The following SLC17A7 variants were observed in gnomAD, a reference collection of about 807,000 sequenced individuals.
SLC17A7 encodes solute carrier family 17 member 7, also known as vesicular glutamate transporter 1.
In SLC17A7, 15 loss-of-function variants were observed where a neutral mutation model predicts 59.1. The ratio of observed to expected loss-of-function variants is 0.25; its 90% CI spans 0.17 to 0.39. The LOEUF (loss-of-function observed/expected upper bound fraction) is 0.39, where lower values mean the gene tolerates loss of function less well. Among genes scored for constraint, SLC17A7 ranks in the 10% least tolerant of loss-of-function variants. The pLI is 1.00. For missense variants in SLC17A7, 499 were observed against 765.1 expected (o/e 0.65, Z 4.10); for synonymous variants, 353 against 308.9 (o/e 1.14, Z -1.50).
chr19:49,440,086 C>T (rs2078994600), intron 1 of SLC17A7, among the ~76,000 whole-genome samples: 1 of 152,178 alleles, frequency 6.6e-6, no homozygotes, highest in African/African-American at 2.4e-5. Context: ...CGTCACTGCA[C>T]CATCCTCCTG....
At position 49,433,563 on chromosome 19, in the gene SLC17A7, G is replaced by T. The variant is rs775348052; in HGVS notation, c.867+163C>A. 2.1e-6 allele frequency: 2 copies of T among 949,686 alleles called. No homozygotes were observed. Among genetic ancestry groups the T allele is most frequent in the Admixed American group, 2.0e-5 (1 of 50,266 alleles). The allele number at this position is 949,686 out of a possible 1,614,324, so 58.8% of individuals were successfully genotyped here. A position where few individuals can be genotyped will look rare whatever the true frequency, so the allele number is the denominator to read the frequency against. ...CCTGCCCCCAGCACCTGAGAATCTC[G>T]TCCTCCGCGGGTTGCAACCCGCCTC... On this transcript the variant is annotated intron_variant, in intron 7 of 11. Transcript: ENST00000221485. This position sits in a 1 kb window ranked among gnomAD's most constrained non-coding sequence, Gnocchi z 5.7.
rs1339042109 is a variant in SLC17A7 at position 49,431,667 on chromosome 19, C to G, written c.1151-219G>C. Reference sequence around the variant, plus strand: ...AAGACCCAGCCCTGACCACGCCCACCAGCTCCATCGCCCCTCCCGTAGCTC... The same window carrying G: ...AAGACCCAGCCCTGACCACGCCCACGAGCTCCATCGCCCCTCCCGTAGCTC... On this transcript the variant is annotated intron_variant, in intron 9 of 11. Coordinates refer to ENST00000221485, the MANE Select transcript of SLC17A7 (RefSeq NM_020309.4). The surrounding 1 kb of genome is among the most constrained non-coding windows in gnomAD (Gnocchi z 4.6). 6.6e-6 allele frequency among the ~76,000 whole-genome samples: 1 copy of G among 152,186 alleles called. No individual in the cohort carries two copies. Among genetic ancestry groups the G allele is most frequent in the Admixed American group, 6.5e-5 (1 of 15,284 alleles).
intron 9 of SLC17A7, 125 bp downstream of exon 9, chr19:49,432,394 G>T: frequency 2.3e-6 from 3 of 1,308,208 alleles, no homozygotes; most frequent in East Asian, 5.1e-5. Context: ...ACGGCCCTTT[G>T]CATAGAAAGG....
chr19:49,436,386 C>T lies in SLC17A7; in HGVS notation c.315+163G>A, dbSNP rs1321133404. On this transcript the variant is annotated intron_variant, in intron 2 of 11. Transcript: ENST00000221485. This position sits in a 1 kb window ranked among gnomAD's most constrained non-coding sequence, Gnocchi z 4.1. Reference sequence around the variant, plus strand: ...TAGGAAACGGAGGCGGCCCCTAAGGCGAGGTCAGAACTAAGGGGCGCACGG... The same window carrying T: ...TAGGAAACGGAGGCGGCCCCTAAGGTGAGGTCAGAACTAAGGGGCGCACGG... Among the ~76,000 whole-genome samples, 1 of 152,128 alleles carries T rather than the reference C, an allele frequency of 6.6e-6. No individual in the cohort carries two copies. Among genetic ancestry groups the T allele is most frequent in the South Asian group, 2.1e-4 (1 of 4,820 alleles).
Position 49,430,512 on chromosome 19 carries a change from C to T in SLC17A7, c.*7G>A, listed in dbSNP as rs762201217. 1.3e-6 allele frequency: 2 copies of T among 1,555,176 alleles called. No individual in the cohort carries two copies. Among genetic ancestry groups the T allele is most frequent in the South Asian group, 1.2e-5 (1 of 81,014 alleles). On this transcript the variant is annotated 3_prime_UTR_variant, in exon 12 of 12. Transcript: ENST00000221485. ...CTGGAAACTGCCATTCAGTGGGAGG[C>T]ACATGGTCAGTAGTCCCGGACAGGG...
At chr19:49,438,893 T>C (rs1006879109) in intron 1 of SLC17A7, among the ~76,000 whole-genome samples, 1 of 152,150 alleles carries the variant, frequency 6.6e-6, no homozygotes. Flanking sequence ...GGGGTCTCAG[T>C]ATCCCACATC....
rs946719452 is a variant in SLC17A7 at position 49,431,547 on chromosome 19, G to T, written c.1151-99C>A. The T allele has an allele frequency of 3.1e-6, 3 of 979,616 alleles. No individual in the cohort carries two copies. The highest frequency in any genetic ancestry group is 4.5e-5 in the Admixed American group (2 of 44,136). The allele number at this position is 979,616 out of a possible 1,614,324, so 60.7% of individuals were successfully genotyped here. ...TCCAGACCTGCTCCAGCCCCAAACC[G>T]CGTCTATCCACCCCAGTCTGGCCAC... On this transcript the variant is annotated intron_variant, in intron 9 of 11. Transcript: ENST00000221485. This position sits in a 1 kb window ranked among gnomAD's most constrained non-coding sequence, Gnocchi z 4.6.
In SLC17A7 at chr19:49,435,263, T is replaced by C. The variant is rs1364131682; in HGVS notation, c.339A>G (p.Pro113=). 1 of 1,613,950 alleles carries C rather than the reference T, an allele frequency of 6.2e-7. No individual in the cohort carries two copies. The highest frequency in any genetic ancestry group is 8.5e-7 in the Non-Finnish European group (1 of 1,179,986). The change falls in exon 3 of 12, where the codon CCA becomes CCG. Residue 113 remains proline, a synonymous_variant. Coordinates refer to ENST00000221485, the MANE Select transcript of SLC17A7 (RefSeq NM_020309.4). ...VVQKAQFSWD[P]ETVGLIHGSF... is the part of the protein sequence containing the mutation. Reference sequence around the variant, plus strand: ...AGCCGTGTATGAGGCCGACAGTCTCTGGATCCCAGCTGAACTGGGCTTTCT... The same window carrying C: ...AGCCGTGTATGAGGCCGACAGTCTCCGGATCCCAGCTGAACTGGGCTTTCT...
At position 49,436,225 on chromosome 19, in the gene SLC17A7, C is replaced by T. The variant is rs987448808; in HGVS notation, c.315+324G>A. 5.0e-6 allele frequency: 2 copies of T among 401,622 alleles called. No individual in the cohort carries two copies. The highest frequency in any genetic ancestry group is 3.3e-5 in the South Asian group (1 of 29,852). 24.9% of individuals were successfully genotyped at this position (401,622 alleles called of 1,614,324 possible). ...CGGGGACATGAGCTTGGGGTACAGG[C>T]GTGAGCAAAATTGCTAGTAGGTCCA... On this transcript the variant is annotated intron_variant, in intron 2 of 11. Coordinates refer to ENST00000221485, the MANE Select transcript of SLC17A7 (RefSeq NM_020309.4). This position sits in a 1 kb window ranked among gnomAD's most constrained non-coding sequence, Gnocchi z 4.1.
rs2078962144 is a variant in SLC17A7 at position 49,431,902 on chromosome 19, G to A, written c.1151-454C>T. 6.6e-6 allele frequency among the ~76,000 whole-genome samples: 1 copy of A among 152,074 alleles called. No homozygotes were observed. Among genetic ancestry groups the A allele is most frequent in the Admixed American group, 6.5e-5 (1 of 15,270 alleles). On this transcript the variant is annotated intron_variant, in intron 9 of 11. Coordinates refer to ENST00000221485, the MANE Select transcript of SLC17A7 (RefSeq NM_020309.4). This position sits in a 1 kb window ranked among gnomAD's most constrained non-coding sequence, Gnocchi z 4.6. The stretch of plus-strand genomic sequence containing the variant: ...GATCCACCGGCCTTCGCCTCCGAAA[G>A]TGCTGGGATAACAGGGGTTAGCCAC...
Position 49,433,133 on chromosome 19 carries a change from C to G in SLC17A7, c.868-173G>C. ...CATGTTGCCGTGGGGACCCAGGGAT[C>G]CTAGCCTCAAGGTGACACTTGAGTG... On this transcript the variant is annotated intron_variant, in intron 7 of 11. Coordinates refer to ENST00000221485, the MANE Select transcript of SLC17A7 (RefSeq NM_020309.4). The surrounding 1 kb of genome is among the most constrained non-coding windows in gnomAD (Gnocchi z 5.7). 1 of 683,804 alleles carries G rather than the reference C, an allele frequency of 1.5e-6. No homozygotes were observed. Among genetic ancestry groups the G allele is most frequent in the Non-Finnish European group, 2.4e-6 (1 of 408,244 alleles). The allele number at this position is 683,804 out of a possible 1,614,324, so 42.4% of individuals were successfully genotyped here.
rs2079000044 is a variant in SLC17A7, at chr19:49,441,505, TC to T, written c.-127del. 3.8e-6 allele frequency: 4 copies of T among 1,058,606 alleles called. No individual in the cohort carries two copies. The highest frequency in any genetic ancestry group is 7.5e-5 in the East Asian group (1 of 13,304). 65.6% of individuals were successfully genotyped at this position (1,058,606 alleles called of 1,614,324 possible). On this transcript the variant is annotated 5_prime_UTR_variant, in exon 1 of 12. Coordinates refer to ENST00000221485, the MANE Select transcript of SLC17A7 (RefSeq NM_020309.4). ...GGCCCGGCCGGCCCCGCAGCTCCGC[TC>T]GGGGGGAAGGAGGCTGCAAGTGCAG...
At position 49,431,549 on chromosome 19, in the gene SLC17A7, G is replaced by A; in HGVS notation, c.1151-101C>T. The A allele has an allele frequency of 2.1e-6, 2 of 953,130 alleles. No individual in the cohort carries two copies. The highest frequency in any genetic ancestry group is 3.2e-6 in the Non-Finnish European group (2 of 625,622). 59.0% of individuals were successfully genotyped at this position (953,130 alleles called of 1,614,324 possible). On this transcript the variant is annotated intron_variant, in intron 9 of 11. Coordinates refer to ENST00000221485, the MANE Select transcript of SLC17A7 (RefSeq NM_020309.4). This position sits in a 1 kb window ranked among gnomAD's most constrained non-coding sequence, Gnocchi z 4.6. ...CAGACCTGCTCCAGCCCCAAACCGC[G>A]TCTATCCACCCCAGTCTGGCCACCT...
chr19:49,436,685 G>A lies in SLC17A7; in HGVS notation c.179C>T (p.Pro60Leu), dbSNP rs1347231233. Residue 60 changes from proline to leucine, a missense_variant, in exon 2 of 12, where the codon CCT (proline) becomes CTT (leucine). This residue lies in a region of SLC17A7 where 323 missense variants were observed against 607.2 expected (regional missense o/e 0.53). Coordinates refer to ENST00000221485, the MANE Select transcript of SLC17A7 (RefSeq NM_020309.4). This position sits in a 1 kb window ranked among gnomAD's most constrained non-coding sequence, Gnocchi z 4.1. ...PVVDCTCFGL[P>L]RRYIIAIMSG... is the part of the protein sequence containing the mutation. ...CATGATGGCGATAATGTAGCGGCGA[G>A]GGAGGCCGAAGCAGGTGCAGTCCAC... The A allele has an allele frequency of 6.2e-7, 1 of 1,613,776 alleles. No homozygotes were observed. Among genetic ancestry groups the A allele is most frequent in the Non-Finnish European group, 8.5e-7 (1 of 1,179,988 alleles).
At chr19:49,440,330 C>T (rs907226997) in intron 1 of SLC17A7, among the ~76,000 whole-genome samples, 13 of 152,322 alleles carry the variant, frequency 8.5e-5, no homozygotes, top group East Asian at 3.9e-4. Context: ...GCTGATGAGG[C>T]CATCTCCTTC....
At chr19:49,432,379 TGGC>T in intron 9 of SLC17A7, 137 bp downstream of exon 9, 5 of 1,202,422 alleles carry the variant, frequency 4.2e-6, no homozygotes, top group Non-Finnish European at 5.7e-6. Flanking sequence ...TCCACCCTGT[TGGC>T]CACGGCCCTT....
Position 49,433,830 on chromosome 19 carries a change from C to G in SLC17A7, c.763G>C (p.Val255Leu). 2 of 1,613,016 alleles carry G rather than the reference C, an allele frequency of 1.2e-6. No homozygotes were observed. The highest frequency in any genetic ancestry group is 2.2e-5 in the East Asian group (1 of 44,850). ...TGCAGCGCGGGGGACTCGTAGGAGA[C>G]GAGCAGCCAGAACAGGTACCAGAAG... ...GIFWYLFWLL[V>L]SYESPALHPS... Residue 255 changes from valine to leucine, a missense_variant, in exon 7 of 12, where the codon GTC becomes CTC. Physicochemically the swap from Val to Leu is conservative, Grantham distance 32. Coordinates refer to ENST00000221485, the MANE Select transcript of SLC17A7 (RefSeq NM_020309.4). This position sits in a 1 kb window ranked among gnomAD's most constrained non-coding sequence, Gnocchi z 5.7.
intron 2 of SLC17A7, 104 bp from the exon 3 acceptor site, chr19:49,435,390 A>T: frequency 1.4e-6 from 1 of 728,728 alleles, no homozygotes; most frequent in Non-Finnish European, 2.4e-6. Flanking sequence ...GCAACGAGGA[A>T]CCCCTCCCAC....
In SLC17A7 at chr19:49,430,560, ATGTGC is replaced by A; in HGVS notation, c.1637_1641del (p.Ser546IlefsTer36). The A allele has an allele frequency of 6.4e-7, 1 of 1,567,026 alleles. No individual in the cohort carries two copies. Among genetic ancestry groups the A allele is most frequent in the Non-Finnish European group, 8.7e-7 (1 of 1,152,894 alleles). ...GGGGGTGGGGGCCTGGGGGGCTGAA[ATGTGC>A]TGTGTGTGGCCCCATAGGAGGGCGG... On this transcript the variant is annotated frameshift_variant, in exon 12 of 12. Coordinates refer to ENST00000221485, the MANE Select transcript of SLC17A7 (RefSeq NM_020309.4). LOFTEE classifies it high-confidence loss of function.
Sources: gnomAD v4.1 joint callset for allele counts (sites outside exome capture counted in the v4.1 genomes callset) on GRCh38, gnomAD v4.1.1 for gene constraint, gnomAD v4.1.1 regional missense constraint, Gnocchi (gnomAD v3.1) non-coding constraint, MANE v1.5 for transcripts, NCBI Gene and HGNC (gene_info 2026-07-23, HGNC 2026-07-21) for gene names.